SMAD9: variants seen among roughly 807,000 people sequenced by gnomAD.
SMAD9 encodes the protein MAD homolog 9.
Under a neutral mutation model 46.1 loss-of-function variants are expected in SMAD9, and 36 were observed. The observed-to-expected ratio is 0.78, with a 90% CI of 0.60 to 1.03. SMAD9 has a LOEUF of 1.03. Ranked by LOEUF, SMAD9 falls within the 50% of genes least tolerant of loss-of-function variation. SMAD9 has a pLI of 0.00. For synonymous variants in SMAD9, 245 were observed against 237.1 expected (o/e 1.03, Z -0.31); for missense variants, 572 against 599.8 (o/e 0.95, Z 0.48).
chr13:36,909,080 G>T (rs1285602580), intron 1 of SMAD9, among the ~76,000 whole-genome samples: 1 of 152,156 alleles, frequency 6.6e-6, no homozygotes, highest in African/African-American at 2.4e-5. Context: ...TGGCTAGAAT[G>T]TTACTATTGA....
rs1223233267 is a variant in SMAD9 at position 36,848,823 on chromosome 13, A to C, written c.1261-4T>G. Reference sequence around the variant, plus strand: ...GATGATACTCAGCACCCCAACCCTGAAAAACAAGAAAGGAGCTGAGTGATG... The same window carrying C: ...GATGATACTCAGCACCCCAACCCTGCAAAACAAGAAAGGAGCTGAGTGATG... On this transcript the variant is annotated splice_polypyrimidine_tract_variant and splice_region_variant and intron_variant, in intron 6 of 6. Transcript: ENST00000379826. The C allele has an allele frequency of 1.2e-6, 2 of 1,613,518 alleles. No homozygotes were observed. The highest frequency in any genetic ancestry group is 1.7e-6 in the Non-Finnish European group (2 of 1,179,994).
At chr13:36,872,960 A>G (rs781387184) in intron 2 of SMAD9, 45 bp from the exon 3 acceptor site, 2 of 1,606,858 alleles carry the variant, frequency 1.2e-6, no homozygotes, top group African/African-American at 2.7e-5. Context: ...AACATTGCTC[A>G]TCAGTACACA....
At position 36,853,495 on chromosome 13, in the gene SMAD9, G is replaced by T. The variant is rs754660514; in HGVS notation, c.1184C>A (p.Ala395Asp). 6.2e-7 allele frequency: 1 copy of T among 1,614,134 alleles called. No homozygotes were observed. The highest frequency in any genetic ancestry group is 1.7e-5 in the Admixed American group (1 of 60,018). ...FNNQLFAQLL[A>D]QSVHHGFEVV... Reference sequence around the variant, plus strand: ...TTCAAAGCCGTGGTGAACTGACTGGGCCAGGAGCTGAGCGAAGAGCTGGTT... The same window carrying T: ...TTCAAAGCCGTGGTGAACTGACTGGTCCAGGAGCTGAGCGAAGAGCTGGTT... The change falls in exon 6 of 7, where the codon GCC becomes GAC. Residue 395 changes from alanine to aspartate, a missense_variant. Ala to Asp is a moderately radical substitution (Grantham distance 126). Transcript: ENST00000379826.
intron 2 of SMAD9, 125 bp downstream of exon 2, chr13:36,879,153 T>G: frequency 1.3e-6 from 1 of 741,538 alleles, no homozygotes; most frequent in Non-Finnish European, 2.1e-6. Context: ...TGAACCTCCC[T>G]CTCCTCTCTT....
chr13:36,860,411 T>A (rs2058169404), intron 5 of SMAD9, among the ~76,000 whole-genome samples: 1 of 151,652 alleles, frequency 6.6e-6, no homozygotes, highest in African/African-American at 2.4e-5. Flanking sequence ...GGTTAATGGT[T>A]ATCACTTATT....
rs571748397 is a variant in SMAD9, at chr13:36,897,749, A to G, written c.-186-17874T>C. On this transcript the variant is annotated intron_variant, in intron 1 of 6. Transcript: ENST00000379826. ...AAAGGTATAATGCATTTGCATTTTC[A>G]GTTATAATTGCTCAATTCATGCAGT... Among the ~76,000 whole-genome samples, 15 of 152,176 alleles carry G rather than the reference A, an allele frequency of 9.9e-5. 1 individual carries two copies. The highest frequency in any genetic ancestry group is 9.8e-4 in the Admixed American group (15 of 15,288).
intron 1 of SMAD9, among the ~76,000 whole-genome samples, chr13:36,892,141 C>G (rs147682482): frequency 3.9e-5 from 6 of 152,196 alleles, no homozygotes; most frequent in Non-Finnish European, 8.8e-5. Context: ...TTCATTGTAC[C>G]ACTGACTTGA....
rs757281925 is a variant in SMAD9, at chr13:36,853,631, C to T, written c.1048G>A (p.Val350Met). 11 of 1,614,058 alleles carry T rather than the reference C, an allele frequency of 6.8e-6. No individual in the cohort carries two copies. The highest frequency in any genetic ancestry group is 1.6e-4 in the Middle Eastern group (1 of 6,062). ...TGCACAAAGATGCTGCTGTCACTCA[C>T]GCACTCGGCATACACCTCTCCCCCG... The part of the protein sequence containing the change: ...YVGGEVYAEC[V>M]SDSSIFVQSR... Residue 350 changes from valine (V) to methionine (M), a missense_variant, in exon 6 of 7, where the codon GTG becomes ATG. Coordinates refer to ENST00000379826, the MANE Select transcript of SMAD9 (RefSeq NM_001127217.3).
At chr13:36,912,906 G>A (rs1475922059) in intron 1 of SMAD9, among the ~76,000 whole-genome samples, 2 of 151,990 alleles carry the variant, frequency 1.3e-5, no homozygotes, top group Non-Finnish European at 2.9e-5. Flanking sequence ...GGTATCTATG[G>A]GGGATTCAGT....
At chr13:36,911,660 A>G (rs956228176) in intron 1 of SMAD9, among the ~76,000 whole-genome samples, 4 of 149,926 alleles carry the variant, frequency 2.7e-5, no homozygotes, top group African/African-American at 9.8e-5. Flanking sequence ...ATAAAGAATC[A>G]CAAATAAGCC....
chr13:36,872,956 G>A (rs2058310571), intron 2 of SMAD9, 41 bp from the exon 3 acceptor site: 1 of 1,609,322 alleles, frequency 6.2e-7, no homozygotes, highest in Non-Finnish European at 8.5e-7. Flanking sequence ...ATTGAACATT[G>A]CTCATCAGTA....
intron 1 of SMAD9, among the ~76,000 whole-genome samples, chr13:36,883,422 T>G (rs2058420261): frequency 1.3e-5 from 2 of 152,222 alleles, no homozygotes; most frequent in Non-Finnish European, 2.9e-5. Flanking sequence ...ATAACTGGGC[T>G]GCACTTAAAA....
intron 2 of SMAD9, 117 bp downstream of exon 2, chr13:36,879,161 C>CTCTT: frequency 1.0e-6 from 1 of 985,906 alleles, no homozygotes; most frequent in South Asian, 1.4e-5. Context: ...CCTCTCCTCT[C>CTCTT]TTCTCTCTCT....
Position 36,848,778 on chromosome 13 carries a change from G to A in SMAD9, c.1302C>T (p.Thr434=). The A allele has an allele frequency of 6.8e-6, 11 of 1,613,556 alleles. No homozygotes were observed. The highest frequency in any genetic ancestry group is 9.3e-6 in the Non-Finnish European group (11 of 1,179,544). ...GAAGATGAATCTCAATCCAGCAGGG[G>A]GTGCTGGTGACATCCTGGCGATGAT... is the stretch of plus-strand genomic sequence containing the variant. The part of the protein sequence containing the change: ...AEYHRQDVTS[T]PCWIEIHLHG... The change falls in exon 7 of 7, where the codon ACC becomes ACT. Residue 434 remains threonine (T), a synonymous_variant. Coordinates refer to ENST00000379826, the MANE Select transcript of SMAD9 (RefSeq NM_001127217.3).
chr13:36,899,590 T>A (rs1261428296), intron 1 of SMAD9, among the ~76,000 whole-genome samples: 1 of 152,112 alleles, frequency 6.6e-6, no homozygotes, highest in Non-Finnish European at 1.5e-5. Context: ...TGCAAAGACA[T>A]CCATCTTGGA....
chr13:36,874,436 G>A (rs913608264), intron 2 of SMAD9, among the ~76,000 whole-genome samples: 1 of 152,168 alleles, frequency 6.6e-6, no homozygotes, highest in African/African-American at 2.4e-5. Context: ...ATGCCCTTCT[G>A]AGGACAAATA....
At chr13:36,885,634 G>A (rs530274847) in intron 1 of SMAD9, among the ~76,000 whole-genome samples, 3 of 151,692 alleles carry the variant, frequency 2.0e-5, no homozygotes, top group Admixed American at 6.6e-5. Context: ...GTCAGTTCTA[G>A]TTTTCTGGGT....
intron 1 of SMAD9, among the ~76,000 whole-genome samples, chr13:36,902,959 A>G (rs541169059): frequency 6.6e-6 from 1 of 152,298 alleles, no homozygotes; most frequent in East Asian, 1.9e-4. Flanking sequence ...TGAAAAGATA[A>G]AGTCATCCAC....
At chr13:36,899,292 C>A (rs1566036633) in intron 1 of SMAD9, among the ~76,000 whole-genome samples, 1 of 152,132 alleles carries the variant, frequency 6.6e-6, no homozygotes, top group Non-Finnish European at 1.5e-5. Context: ...AAGAAATATA[C>A]CATGTTCATG....
Sources: gnomAD v4.1 joint callset for allele counts (sites outside exome capture counted in the v4.1 genomes callset) on GRCh38, gnomAD v4.1.1 for gene constraint, MANE v1.5 for transcripts, NCBI Gene and HGNC (gene_info 2026-07-23, HGNC 2026-07-21) for gene names.